The following SLC25A48 variants were observed in gnomAD, a reference collection of about 807,000 sequenced individuals.
SLC25A48 encodes solute carrier family 25 member 48.
A neutral mutation model predicts 32.2 loss-of-function variants in SLC25A48; 29 were observed. The observed-to-expected ratio is 0.90, with a 90% confidence interval of 0.67 to 1.23. The LOEUF is 1.23. SLC25A48 is among the 50% of genes most tolerant of loss of function. The pLI, the probability that SLC25A48 is intolerant of heterozygous loss-of-function variation, is 0.00. For missense variants in SLC25A48, 399 were observed against 422.7 expected, an observed-to-expected ratio of 0.94 and a Z score of 0.49; for synonymous variants, 164 against 172.3, an observed-to-expected ratio of 0.95 and a Z score of 0.38.
chr5:135,763,760 CACAT>C (rs966783254), intron 3 of SLC25A48, among the ~76,000 whole-genome samples: 14 of 88,596 alleles, frequency 1.6e-4, no homozygotes, highest in South Asian at 4.2e-4. Flanking sequence ...TAGGAACACA[CACAT>C]ACACACACAC....
At chr5:135,722,225 T>C (rs1407821939) in intron 3 of SLC25A48, among the ~76,000 whole-genome samples, 2 of 152,214 alleles carry the variant, frequency 1.3e-5, no homozygotes, top group African/African-American at 4.8e-5. Context: ...TCGAAATCTC[T>C]CACATTTACT....
intron 2 of SLC25A48, among the ~76,000 whole-genome samples, chr5:135,846,681 G>A (rs989920825): frequency 6.6e-6 from 1 of 152,078 alleles, no homozygotes; most frequent in Non-Finnish European, 1.5e-5. Flanking sequence ...CATAGTTTTG[G>A]GCTAAATATT....
At chr5:135,796,471 G>A (rs562801389) in intron 3 of SLC25A48, among the ~76,000 whole-genome samples, 5 of 151,766 alleles carry the variant, frequency 3.3e-5, no homozygotes, top group African/African-American at 1.2e-4. Flanking sequence ...ATATCCCAGG[G>A]AGTGTACACA....
rs375979155 is a variant in SLC25A48, at chr5:135,723,378, T to A, written c.-521+88422T>A. Among the ~76,000 whole-genome samples the A allele has an allele frequency of 1.4e-3, 77 of 54,500 alleles. 1 individual carries two copies. Among genetic ancestry groups the A allele is most frequent in the Non-Finnish European group, 1.3e-3 (23 of 17,366 alleles). The allele number at this position is 54,500 out of a possible 152,430, so 35.8% of individuals were successfully genotyped here. ...CTGTCTCTCACTCTCTCTCTCTCTC[T>A]CTCACACACACACACACACACACAC... On this transcript the variant is annotated intron_variant, in intron 3 of 10. Transcript: ENST00000646290.
intron 3 of SLC25A48, among the ~76,000 whole-genome samples, chr5:135,803,433 C>CCA (rs1426618189): frequency 8.6e-5 from 13 of 151,676 alleles, no homozygotes; most frequent in African/African-American, 2.9e-4. Flanking sequence ...GGGTGTACAC[C>CCA]CTGTGATATT....
At chr5:135,713,604 C>T (rs1211474492) in intron 3 of SLC25A48, among the ~76,000 whole-genome samples, 2 of 152,208 alleles carry the variant, frequency 1.3e-5, no homozygotes, top group African/African-American at 4.8e-5. Flanking sequence ...AGTAGCAGTA[C>T]CGATGCTCCA....
At chr5:135,793,778 C>T (rs979362630) in intron 3 of SLC25A48, among the ~76,000 whole-genome samples, 2 of 151,602 alleles carry the variant, frequency 1.3e-5, no homozygotes, top group Non-Finnish European at 2.9e-5. Context: ...TTGTAATATC[C>T]TTGGGAGATA....
intron 1 of SLC25A48, among the ~76,000 whole-genome samples, chr5:135,620,789 C>T (rs1221880991): frequency 3.3e-5 from 5 of 152,124 alleles, no homozygotes; most frequent in African/African-American, 1.2e-4. Context: ...CTCTCTAGAG[C>T]AATGCAGTCT....
At chr5:135,730,558 A>T (rs1444831892) in intron 3 of SLC25A48, among the ~76,000 whole-genome samples, 1 of 152,190 alleles carries the variant, frequency 6.6e-6, no homozygotes, top group Non-Finnish European at 1.5e-5. Flanking sequence ...GCACCATGAA[A>T]ACGAACTAAT....
intron 3 of SLC25A48, among the ~76,000 whole-genome samples, chr5:135,686,506 C>T (rs1238831884): frequency 6.6e-6 from 1 of 152,236 alleles, no homozygotes; most frequent in Non-Finnish European, 1.5e-5. Context: ...GACTCCGCTG[C>T]TCCCCGTATG....
intron 3 of SLC25A48, among the ~76,000 whole-genome samples, chr5:135,722,304 C>T (rs760382318): frequency 2.0e-5 from 3 of 152,162 alleles, no homozygotes; most frequent in Non-Finnish European, 4.4e-5. Context: ...GATGGTTCAA[C>T]TATCGGAGGT....
At chr5:135,883,569 T>G in intron 7 of SLC25A48, 1 of 748,924 alleles carries the variant, frequency 1.3e-6, no homozygotes, top group Non-Finnish European at 1.6e-6. Flanking sequence ...GGAAAACCCC[T>G]CCACACAGGT....
intron 1 of SLC25A48, among the ~76,000 whole-genome samples, chr5:135,614,556 C>G (rs904758509): frequency 1.5e-4 from 23 of 152,102 alleles, no homozygotes; most frequent in Admixed American, 1.3e-4. Flanking sequence ...GAGTTATGTT[C>G]CTTCAAATGC....
chr5:135,771,618 A>G (rs1236181905), intron 3 of SLC25A48, among the ~76,000 whole-genome samples: 1 of 151,504 alleles, frequency 6.6e-6, no homozygotes, highest in Non-Finnish European at 1.5e-5. Flanking sequence ...TCTTTGTATC[A>G]CAGGGGGTGT....
chr5:135,630,366 G>T (rs913074159), intron 2 of SLC25A48, among the ~76,000 whole-genome samples: 1 of 152,158 alleles, frequency 6.6e-6, no homozygotes, highest in Non-Finnish European at 1.5e-5. Flanking sequence ...CCCCATGAGG[G>T]TAGTTTGGAG....
chr5:135,801,325 T>C (rs1480992248), intron 3 of SLC25A48, among the ~76,000 whole-genome samples: 1 of 151,252 alleles, frequency 6.6e-6, no homozygotes, highest in Non-Finnish European at 1.5e-5. Flanking sequence ...CCCTGTGATA[T>C]TCTTCAAAAT....
intron 7 of SLC25A48, among the ~76,000 whole-genome samples, chr5:135,886,468 G>C (rs913394694): frequency 6.6e-5 from 10 of 151,134 alleles, no homozygotes; most frequent in Non-Finnish European, 1.3e-4. Context: ...TCTGGGAGGG[G>C]TCAGCCAGCA....
chr5:135,779,779 C>G (rs12189124), intron 3 of SLC25A48, among the ~76,000 whole-genome samples: 47,239 of 115,134 alleles, frequency 0.41, 18,453 homozygotes, highest in Middle Eastern at 0.65. Context: ...TCTTAATATC[C>G]AACTGGGGAG....
intron 1 of SLC25A48, among the ~76,000 whole-genome samples, chr5:135,593,281 G>A (rs1751569452): frequency 6.6e-6 from 1 of 152,140 alleles, no homozygotes. Context: ...AGGGCTATGT[G>A]CATGGCAGGG....
Sources: allele counts gnomAD v4.1 joint callset (sites outside exome capture counted in the v4.1 genomes callset), GRCh38; gene constraint gnomAD v4.1.1; transcripts MANE v1.5; gene names NCBI Gene and HGNC (gene_info 2026-07-23, HGNC 2026-07-21).